The following STON2 variants were observed in gnomAD, a reference collection of about 807,000 sequenced individuals.
STON2 encodes the protein stonin-2.
Under a neutral mutation model 65.7 loss-of-function variants are expected in STON2, and 29 were observed. The ratio of observed to expected loss-of-function variants is 0.44; its 90% CI spans 0.33 to 0.60. The LOEUF (loss-of-function observed/expected upper bound fraction) is 0.60, where lower values mean the gene tolerates loss of function less well. Among genes scored for constraint, STON2 ranks in the 20% least tolerant of loss-of-function variants. The pLI is 0.03. For synonymous variants in STON2, 404 were observed against 414.2 expected (o/e 0.98, Z 0.30); for missense variants, 1,054 against 1,118.1 (o/e 0.94, Z 0.82).
intron 5 of STON2, among the ~76,000 whole-genome samples, chr14:81,292,451 G>A (rs1418473946): frequency 6.6e-6 from 1 of 152,140 alleles, no homozygotes; most frequent in East Asian, 1.9e-4. Flanking sequence ...GTCATTGGAG[G>A]GACCTGGTGG....
At chr14:81,324,592 C>T (rs552367393) in intron 4 of STON2, among the ~76,000 whole-genome samples, 1 of 152,338 alleles carries the variant, frequency 6.6e-6, no homozygotes, top group South Asian at 2.1e-4. Flanking sequence ...GCAAGCAAAC[C>T]TGGATGTGAT....
At chr14:81,342,088 A>G (rs2140295150) in intron 4 of STON2, among the ~76,000 whole-genome samples, 1 of 152,202 alleles carries the variant, frequency 6.6e-6, no homozygotes, top group East Asian at 1.9e-4. Context: ...ATTATGTGTT[A>G]TACTCCTTGA....
intron 3 of STON2, among the ~76,000 whole-genome samples, chr14:81,386,054 G>C (rs962994531): frequency 1.3e-5 from 2 of 152,182 alleles, no homozygotes; most frequent in African/African-American, 4.8e-5. Context: ...CGGCGAGAGA[G>C]GCAGTGCAAT....
intron 5 of STON2, among the ~76,000 whole-genome samples, chr14:81,289,703 T>G (rs1895479560): frequency 1.3e-5 from 2 of 152,196 alleles, no homozygotes; most frequent in Non-Finnish European, 2.9e-5. Context: ...GCATTGTGCC[T>G]GCACTGAATA....
intron 3 of STON2, among the ~76,000 whole-genome samples, chr14:81,380,591 G>T (rs1899466895): frequency 6.6e-6 from 1 of 152,144 alleles, no homozygotes; most frequent in African/African-American, 2.4e-5. Flanking sequence ...ATCAATGGCG[G>T]ACTGGATAAA....
chr14:81,379,744 A>G (rs2140390999), intron 3 of STON2, among the ~76,000 whole-genome samples: 1 of 152,354 alleles, frequency 6.6e-6, no homozygotes, highest in South Asian at 2.1e-4. Context: ...AGCAATGGGG[A>G]AAAGACTTTC....
At chr14:81,306,781 T>C (rs1896200877) in intron 5 of STON2, 1 of 152,146 alleles carries the variant, frequency 6.6e-6, no homozygotes, top group South Asian at 2.1e-4. Flanking sequence ...GAAATCCAGT[T>C]AAAACTGAGC....
Position 81,277,472 on chromosome 14 carries a change from C to G in STON2, c.2010G>C (p.Leu670=). 1 of 1,614,142 alleles carries G rather than the reference C, an allele frequency of 6.2e-7. No homozygotes were observed. The highest frequency in any genetic ancestry group is 8.5e-7 in the Non-Finnish European group (1 of 1,180,030). Residue 670 remains leucine, a synonymous_variant, in exon 6 of 8, where the codon CTG becomes CTC. Transcript: ENST00000614646. ...CTTTGACGAGGATGTCATTGAGGCC[C>G]AGGCGGCACTCTGCGAGCCCAGACA... The part of the protein sequence containing the change: ...SFLSGLAECR[L]GLNDILVKGN...
chr14:81,286,607 G>C (rs1895343388), intron 5 of STON2, among the ~76,000 whole-genome samples: 1 of 152,228 alleles, frequency 6.6e-6, no homozygotes, highest in Non-Finnish European at 1.5e-5. Flanking sequence ...AAAAATATGT[G>C]TGACTTGCTC....
intron 7 of STON2, chr14:81,269,893 G>A: frequency 1.0e-6 from 1 of 985,196 alleles, no homozygotes. Flanking sequence ...ATAAACATTT[G>A]CTTGGCTTTT....
intron 7 of STON2, chr14:81,270,091 T>C: frequency 1.0e-6 from 1 of 967,790 alleles, no homozygotes; most frequent in Non-Finnish European, 1.2e-6. Context: ...ACCCCATTAC[T>C]CTTTTTCTTT....
chr14:81,281,771 A>C (rs895706332), intron 5 of STON2, among the ~76,000 whole-genome samples: 12 of 152,368 alleles, frequency 7.9e-5, no homozygotes, highest in African/African-American at 2.9e-4. Flanking sequence ...AGTCCTAAAC[A>C]GTTTTGAAGC....
rs750193614 is a variant in STON2, at chr14:81,277,540, G to T, written c.1942C>A (p.Leu648Ile). The change falls in exon 6 of 8, where the codon CTC becomes ATC. Residue 648 changes from leucine to isoleucine, a missense_variant. By Grantham distance (5) the Leu-to-Ile change is conservative (BLOSUM62 2). Transcript: ENST00000614646. ...GIVSKGDNQILQHHVLTRIHI... is the reference protein window; with the variant it reads ...GIVSKGDNQIIQHHVLTRIHI... ...ATCCGTGTCAAGACATGGTGCTGGA[G>T]AATCTGGTTGTCTCCTTTGCTCACA... The T allele has an allele frequency of 5.0e-6, 8 of 1,614,178 alleles. No homozygotes were observed. The highest frequency in any genetic ancestry group is 6.8e-6 in the Non-Finnish European group (8 of 1,180,024).
At position 81,277,730 on chromosome 14, in the gene STON2, C is replaced by CACCT; in HGVS notation, c.1748_1751dup (p.Ile585GlyfsTer3). On this transcript the variant is annotated frameshift_variant, in exon 6 of 8. Coordinates refer to ENST00000614646, the MANE Select transcript of STON2 (RefSeq NM_001394390.1). LOFTEE classifies it high-confidence loss of function. Reference sequence around the variant, plus strand: ...CGTAATTGGTGGTGCCCAGCTTAATCACCTGTTCCCTCTCTGCTGTGTGGG... The same window carrying CACCT: ...CGTAATTGGTGGTGCCCAGCTTAATCACCTACCTGTTCCCTCTCTGCTGTGTGGG... 2.5e-6 allele frequency: 4 copies of CACCT among 1,614,138 alleles called. No individual in the cohort carries two copies. The highest frequency in any genetic ancestry group is 3.4e-6 in the Non-Finnish European group (4 of 1,180,022).
chr14:81,427,913 CT>C (rs1902062832), intron 1 of STON2, among the ~76,000 whole-genome samples: 1 of 152,126 alleles, frequency 6.6e-6, no homozygotes, highest in Non-Finnish European at 1.5e-5. Context: ...CAGGGCATAG[CT>C]TCTAGATCTA....
In STON2 at chr14:81,347,753, A is replaced by G. The variant is rs554319576; in HGVS notation, c.571+23235T>C. ...ACCCCCTCCCCCTTCTCTATAAAAT[A>G]TAAAAACATCCTGGGCATGGTGACA... is the stretch of plus-strand genomic sequence containing the variant. On this transcript the variant is annotated intron_variant, in intron 4 of 7. Coordinates refer to ENST00000614646, the MANE Select transcript of STON2 (RefSeq NM_001394390.1). Among the ~76,000 whole-genome samples, 18 of 149,972 alleles carry G rather than the reference A, an allele frequency of 1.2e-4. No individual in the cohort carries two copies. In the South Asian group the frequency reaches 3.8e-3, roughly 31 times the overall value.
chr14:81,342,225 C>T (rs1192853799), intron 4 of STON2, among the ~76,000 whole-genome samples: 1 of 149,300 alleles, frequency 6.7e-6, no homozygotes, highest in East Asian at 2.0e-4. Flanking sequence ...ACCTCTGCCT[C>T]CCAGGTTCAA....
At chr14:81,342,427 G>A (rs1040553308) in intron 4 of STON2, among the ~76,000 whole-genome samples, 3 of 152,118 alleles carry the variant, frequency 2.0e-5, no homozygotes, top group Non-Finnish European at 4.4e-5. Flanking sequence ...GAGCCACTGC[G>A]CCCAGCCCAT....
chr14:81,390,439 G>A (rs1039713043), intron 3 of STON2, among the ~76,000 whole-genome samples: 4 of 152,094 alleles, frequency 2.6e-5, no homozygotes, highest in African/African-American at 9.7e-5. Context: ...TAAATTATAA[G>A]GAGCTGTAAG....
Sources: allele counts gnomAD v4.1 joint callset (sites outside exome capture counted in the v4.1 genomes callset), GRCh38; gene constraint gnomAD v4.1.1; transcripts MANE v1.5; gene names NCBI Gene and HGNC (gene_info 2026-07-23, HGNC 2026-07-21).